NRCAM: variants seen among roughly 807,000 people sequenced by gnomAD.
NRCAM encodes neuronal cell adhesion molecule, also known as NgCAM-related cell adhesion molecule.
Under a neutral mutation model 156.5 loss-of-function variants are expected in NRCAM, and 83 were observed. The ratio of observed to expected loss-of-function variants is 0.53; its 90% CI spans 0.44 to 0.64. The LOEUF (loss-of-function observed/expected upper bound fraction) is 0.64, where lower values mean the gene tolerates loss of function less well. Ranked by LOEUF, NRCAM falls within the 30% of genes least tolerant of loss-of-function variation. NRCAM has a pLI of 0.00. For missense variants in NRCAM, 1,417 were observed against 1,597.3 expected (o/e 0.89, Z 1.92); for synonymous variants, 538 against 563.9 (o/e 0.95, Z 0.65).
intron 30 of NRCAM, among the ~76,000 whole-genome samples, chr7:108,166,500 G>A (rs1242895169): frequency 6.6e-6 from 1 of 151,782 alleles, no homozygotes; most frequent in Admixed American, 6.6e-5. Flanking sequence ...CGCCTGCCTC[G>A]GCCTCCCTAA....
intron 3 of NRCAM, among the ~76,000 whole-genome samples, chr7:108,294,798 C>T (rs546769111): frequency 1.3e-5 from 2 of 152,226 alleles, no homozygotes; most frequent in South Asian, 4.1e-4. Flanking sequence ...TACGGTCTTC[C>T]GAATCACTTC....
chr7:108,226,329 C>T lies in NRCAM; in HGVS notation c.600G>A (p.Gly200=), dbSNP rs771873593. 1.6e-5 allele frequency: 26 copies of T among 1,611,778 alleles called. No individual in the cohort carries two copies. Among genetic ancestry groups the T allele is most frequent in the African/African-American group, 1.3e-5 (1 of 74,880 alleles). ...GGAGGACATTGGAAAAATAAAGGTC[C>T]CCATTCAAACCTTGAGAAACTCTCT... ...QSERVSQGLN[G]DLYFSNVLPE... Residue 200 remains glycine, a synonymous_variant, in exon 9 of 33, where the codon GGG becomes GGA. Transcript: ENST00000379028.
intron 3 of NRCAM, among the ~76,000 whole-genome samples, chr7:108,264,889 C>T (rs191964919): frequency 1.1e-3 from 165 of 152,098 alleles, no homozygotes; most frequent in Non-Finnish European, 1.9e-3. Context: ...ACAATAATCT[C>T]AACACCTCCT....
chr7:108,403,204 G>A (rs2099798013), intron 1 of NRCAM, among the ~76,000 whole-genome samples: 1 of 152,088 alleles, frequency 6.6e-6, no homozygotes, highest in Non-Finnish European at 1.5e-5. Flanking sequence ...AGGTCTTTTT[G>A]TTAGAAACAA....
At chr7:108,338,108 G>A (rs954871631) in intron 2 of NRCAM, among the ~76,000 whole-genome samples, 3 of 152,214 alleles carry the variant, frequency 2.0e-5, no homozygotes, top group South Asian at 2.1e-4. Context: ...GCCAAGGGCC[G>A]ACTAGAGGCA....
intron 11 of NRCAM, among the ~76,000 whole-genome samples, chr7:108,221,455 C>A (rs1272745319): frequency 2.0e-5 from 3 of 152,102 alleles, no homozygotes; most frequent in African/African-American, 7.2e-5. Flanking sequence ...ACCCAAATGC[C>A]CATCAATCAA....
chr7:108,306,533 C>T (rs988792354), intron 3 of NRCAM, among the ~76,000 whole-genome samples: 2 of 152,132 alleles, frequency 1.3e-5, no homozygotes, highest in Admixed American at 1.3e-4. Flanking sequence ...TTTTGGTCTT[C>T]TTGCTGAGAA....
intron 2 of NRCAM, among the ~76,000 whole-genome samples, chr7:108,341,015 G>C (rs1486860862): frequency 6.6e-6 from 1 of 152,212 alleles, no homozygotes; most frequent in Non-Finnish European, 1.5e-5. Flanking sequence ...GACTTTGGAG[G>C]CTCTGGAACA....
At chr7:108,167,683 C>CTT (rs1205482431) in intron 29 of NRCAM, among the ~76,000 whole-genome samples, 1 of 152,182 alleles carries the variant, frequency 6.6e-6, no homozygotes, top group African/African-American at 2.4e-5. Context: ...GCACACTGCA[C>CTT]TTAGGAGGGG....
At chr7:108,438,322 C>CA (rs1311806497) in intron 1 of NRCAM, among the ~76,000 whole-genome samples, 1 of 151,968 alleles carries the variant, frequency 6.6e-6, no homozygotes, top group Non-Finnish European at 1.5e-5. Context: ...AAGCATTGTA[C>CA]AATATGACCA....
intron 26 of NRCAM, 57 bp from the exon 27 acceptor site, chr7:108,176,663 A>G (rs1461688871): frequency 2.3e-6 from 3 of 1,292,496 alleles, no homozygotes; most frequent in Non-Finnish European, 3.2e-6. Flanking sequence ...TAGGAATACT[A>G]TTATAAATAA....
intron 3 of NRCAM, among the ~76,000 whole-genome samples, chr7:108,255,678 G>C (rs1475895959): frequency 6.6e-6 from 1 of 151,302 alleles, no homozygotes; most frequent in East Asian, 2.0e-4. Context: ...CGTCTGAGAT[G>C]TGGGGAGCGC....
chr7:108,181,706 C>G (rs1269034892), intron 24 of NRCAM, 116 bp downstream of exon 24: 1 of 603,348 alleles, frequency 1.7e-6, no homozygotes, highest in Non-Finnish European at 2.9e-6. Context: ...ACTCTTCAGT[C>G]CACAAGTTCA....
At chr7:108,266,659 TC>T (rs2154022803) in intron 3 of NRCAM, among the ~76,000 whole-genome samples, 1 of 152,310 alleles carries the variant, frequency 6.6e-6, no homozygotes, top group South Asian at 2.1e-4. Flanking sequence ...CTGAGAAATA[TC>T]AGTCATTCCC....
chr7:108,157,381 T>C (rs535479495), intron 32 of NRCAM, among the ~76,000 whole-genome samples: 1 of 152,232 alleles, frequency 6.6e-6, no homozygotes, highest in Admixed American at 6.5e-5. Context: ...ACACAGTGCT[T>C]ATGAGGCCAG....
intron 1 of NRCAM, among the ~76,000 whole-genome samples, chr7:108,429,561 A>G (rs1184087586): frequency 2.0e-5 from 3 of 152,240 alleles, no homozygotes; most frequent in Admixed American, 6.5e-5. Flanking sequence ...TACTTTGCCA[A>G]TTGCAAATTA....
chr7:108,440,741 C>A (rs949622690), intron 1 of NRCAM, among the ~76,000 whole-genome samples: 1 of 152,204 alleles, frequency 6.6e-6, no homozygotes, highest in Non-Finnish European at 1.5e-5. Flanking sequence ...CTGCACACTT[C>A]CAAAAATTTA....
At chr7:108,321,528 G>A (rs1439282749) in intron 2 of NRCAM, among the ~76,000 whole-genome samples, 1 of 152,118 alleles carries the variant, frequency 6.6e-6, no homozygotes, top group Non-Finnish European at 1.5e-5. Context: ...ATCTCCCACT[G>A]GGCCCCACCT....
At chr7:108,200,168 T>C (rs1039082174) in intron 13 of NRCAM, among the ~76,000 whole-genome samples, 1 of 152,228 alleles carries the variant, frequency 6.6e-6, no homozygotes, top group Admixed American at 6.5e-5. Context: ...TCGAGATACT[T>C]TGAATTGACT....
Sources: allele counts gnomAD v4.1 joint callset (sites outside exome capture counted in the v4.1 genomes callset), GRCh38; gene constraint gnomAD v4.1.1; transcripts MANE v1.5; gene names NCBI Gene and HGNC (gene_info 2026-07-23, HGNC 2026-07-21).